The following CD1B variants were observed in gnomAD, a reference collection of about 807,000 sequenced individuals.
CD1B encodes CD1b molecule.
CD1B carries 43 observed loss-of-function variants against 39.8 expected under a neutral mutation model. The ratio of observed to expected loss-of-function variants is 1.08; its 90% CI spans 0.85 to 1.39. The LOEUF (loss-of-function observed/expected upper bound fraction) is 1.39. Among genes scored for constraint, CD1B ranks in the 40% most tolerant of loss-of-function variants. The pLI is 0.00. For missense variants in CD1B, 495 were observed against 403.8 expected (o/e 1.23, Z -1.94); for synonymous variants, 192 against 152.5 (o/e 1.26, Z -1.91).
At chr1:158,309,435 G>T in the CD1B span, among the ~76,000 whole-genome samples, 1 of 152,104 alleles carries the variant, frequency 6.6e-6, no homozygotes, top group African/African-American at 2.4e-5. Context: ...ATTCCTCAGG[G>T]ATCTAGAACT....
chr1:158,294,735 A>G, the CD1B span, among the ~76,000 whole-genome samples: 1 of 152,300 alleles, frequency 6.6e-6, no homozygotes, highest in African/African-American at 2.4e-5. Context: ...TGTATTTTCT[A>G]TGATTTTATT....
rs1491067266 is a variant in CD1B, at chr1:158,328,899, AAC to A, written c.980+20_980+21del. 1.3e-6 allele frequency: 2 copies of A among 1,542,368 alleles called. No homozygotes were observed. Among genetic ancestry groups the A allele is most frequent in the South Asian group, 1.2e-5 (1 of 82,298 alleles). ...ACAGAAAAGACATATTAAAAAAAAA[AAC>A]AACACCACCCACAACTCACCGGCGC... On this transcript the variant is annotated intron_variant, in intron 5 of 5. Transcript: ENST00000368168.
the CD1B span, among the ~76,000 whole-genome samples, chr1:158,286,199 T>A: frequency 1.3e-5 from 2 of 152,134 alleles, no homozygotes; most frequent in Non-Finnish European, 2.9e-5. Flanking sequence ...ACCCAGCCCC[T>A]CTGTTCAGGC....
the CD1B span, among the ~76,000 whole-genome samples, chr1:158,301,055 T>C: frequency 1.1e-4 from 16 of 152,158 alleles, no homozygotes; most frequent in South Asian, 3.1e-3. Context: ...ACCGTGCCTT[T>C]GTCTCTTTTG....
rs1157876816 is a variant in CD1B, at chr1:158,329,407, G to A, written c.849C>T (p.His283=). The A allele has an allele frequency of 6.2e-7, 1 of 1,614,132 alleles. No individual in the cohort carries two copies. Among genetic ancestry groups the A allele is most frequent in the Admixed American group, 1.7e-5 (1 of 60,016 alleles). Residue 283 remains histidine, a synonymous_variant, in exon 4 of 6, where the codon CAC becomes CAT. Coordinates refer to ENST00000368168, the MANE Select transcript of CD1B (RefSeq NM_001764.3). ...EAAGLSCRVK[H]SSLEGQDIIL... ...TGATGTCCTGGCCCTCTAAACTGCT[G>A]TGCTTCACCCGACAGGACAGGCCAG...
chr1:158,295,351 G>T, the CD1B span, among the ~76,000 whole-genome samples: 1 of 152,112 alleles, frequency 6.6e-6, no homozygotes, highest in Non-Finnish European at 1.5e-5. Flanking sequence ...GTCCTCAGTG[G>T]CTTCTAGGGA....
chr1:158,286,225 G>A, the CD1B span, among the ~76,000 whole-genome samples: 1 of 152,118 alleles, frequency 6.6e-6, no homozygotes, highest in Admixed American at 6.5e-5. Flanking sequence ...TCTAATCATA[G>A]GGTGTCCTAC....
At chr1:158,293,149 T>C in the CD1B span, 15 of 1,258,476 alleles carry the variant, frequency 1.2e-5, no homozygotes, top group African/African-American at 4.4e-5. Context: ...AGGAAATCAA[T>C]AGATGGAATA....
At chr1:158,291,354 A>G in the CD1B span, 8 of 1,614,012 alleles carry the variant, frequency 5.0e-6, no homozygotes, top group South Asian at 1.1e-5. Context: ...ACCTCTTTGG[A>G]TTAACTCGGG....
At chr1:158,324,762 C>G (rs999000104), downstream of CD1B, among the ~76,000 whole-genome samples, 1 of 152,044 alleles carries the variant, frequency 6.6e-6, no homozygotes. Flanking sequence ...GAGATCCTTG[C>G]TAATTTCTAG....
At chr1:158,322,702 A>G in the CD1B span, among the ~76,000 whole-genome samples, 2 of 152,052 alleles carry the variant, frequency 1.3e-5, no homozygotes, top group Non-Finnish European at 2.9e-5. Flanking sequence ...TGTTGCATTT[A>G]CTTGGCTTTT....
the CD1B span, among the ~76,000 whole-genome samples, chr1:158,319,749 G>T: frequency 6.6e-6 from 1 of 152,220 alleles, no homozygotes; most frequent in African/African-American, 2.4e-5. Context: ...CTGCTTTTTA[G>T]AGTTTCCAGT....
chr1:158,329,294 T>C, intron 4 of CD1B, 76 bp downstream of exon 4: 1 of 1,526,070 alleles, frequency 6.6e-7, no homozygotes, highest in Non-Finnish European at 8.9e-7. Context: ...TCAAGCTCTA[T>C]CCTTCCCCAG....
At chr1:158,314,439 T>C in the CD1B span, among the ~76,000 whole-genome samples, 1 of 152,180 alleles carries the variant, frequency 6.6e-6, no homozygotes, top group Non-Finnish European at 1.5e-5. Context: ...TGTTGTTTTT[T>C]AAGGCTCTAT....
chr1:158,329,593 C>G lies in CD1B; in HGVS notation c.663G>C (p.Gln221His), dbSNP rs778942777. 2 of 1,614,098 alleles carry G rather than the reference C, an allele frequency of 1.2e-6. No homozygotes were observed. Among genetic ancestry groups the G allele is most frequent in the East Asian group, 4.5e-5 (2 of 44,838 alleles). The change falls in exon 4 of 6, where the codon CAG (glutamine) becomes CAC (histidine). Residue 221 changes from glutamine (Q) to histidine (H), a missense_variant. Transcript: ENST00000368168. ...SGPSPGPGRL[Q>H]LVCHVSGFYP... ...AGAATCCTGAGACATGGCACACAAG[C>G]TGCAGACGGCCAGGTCCAGGACTGG... is the stretch of plus-strand genomic sequence containing the variant.
the CD1B span, chr1:158,291,166 C>G: frequency 6.2e-7 from 1 of 1,613,640 alleles, no homozygotes; most frequent in Non-Finnish European, 8.5e-7. Context: ...CCATGTCATC[C>G]AGATCTTCTC....
the CD1B span, among the ~76,000 whole-genome samples, chr1:158,315,206 G>C: frequency 2.0e-5 from 3 of 152,098 alleles, no homozygotes; most frequent in African/African-American, 7.2e-5. Flanking sequence ...GGTATTTCTA[G>C]TTCTAGATCC....
chr1:158,322,174 G>A, the CD1B span, among the ~76,000 whole-genome samples: 1 of 152,026 alleles, frequency 6.6e-6, no homozygotes, highest in African/African-American at 2.4e-5. Context: ...TCATACTAAA[G>A]TTATAAGTGG....
At chr1:158,294,848 C>G in the CD1B span, among the ~76,000 whole-genome samples, 2 of 152,186 alleles carry the variant, frequency 1.3e-5, no homozygotes, top group Non-Finnish European at 2.9e-5. Flanking sequence ...AGTAACCATT[C>G]CTTTTCATTG....
Sources: allele counts gnomAD v4.1 joint callset (sites outside exome capture counted in the v4.1 genomes callset), GRCh38; gene constraint gnomAD v4.1.1; transcripts MANE v1.5; gene names NCBI Gene and HGNC (gene_info 2026-07-23, HGNC 2026-07-21).